The following ARHGEF26 variants were observed in gnomAD, a reference collection of about 807,000 sequenced individuals.
The protein encoded by ARHGEF26 is Rho guanine nucleotide exchange factor (GEF) 26.
Under a neutral mutation model 89.4 loss-of-function variants are expected in ARHGEF26, and 59 were observed. That is an observed-to-expected ratio of 0.66 (90% CI 0.54 to 0.82). The LOEUF (loss-of-function observed/expected upper bound fraction) is 0.82. Among genes scored for constraint, ARHGEF26 ranks in the 40% least tolerant of loss-of-function variants. The pLI is 0.00. For synonymous variants in ARHGEF26, 500 were observed against 428.4 expected, an observed-to-expected ratio of 1.17 and a Z score of -2.06; for missense variants, 1,234 against 1,085.6, an observed-to-expected ratio of 1.14 and a Z score of -1.92.
chr3:154,221,929 T>TTA (rs1716155274), intron 10 of ARHGEF26, among the ~76,000 whole-genome samples: 1 of 152,208 alleles, frequency 6.6e-6, no homozygotes, highest in Admixed American at 6.5e-5. Context: ...CATATTTGGT[T>TTA]TATGGTATGG....
At chr3:154,130,652 A>G (rs1239734177) in intron 4 of ARHGEF26, among the ~76,000 whole-genome samples, 1 of 152,066 alleles carries the variant, frequency 6.6e-6, no homozygotes. Context: ...TCACAGTTTG[A>G]TGCTTAGTTT....
chr3:154,154,008 A>G (rs1720179939), intron 6 of ARHGEF26, among the ~76,000 whole-genome samples: 1 of 152,124 alleles, frequency 6.6e-6, no homozygotes, highest in Admixed American at 6.6e-5. Context: ...GATCAATACC[A>G]GATCCATTAA....
At chr3:154,134,725 C>A (rs1270589563) in intron 4 of ARHGEF26, among the ~76,000 whole-genome samples, 2 of 151,338 alleles carry the variant, frequency 1.3e-5, no homozygotes, top group Non-Finnish European at 2.9e-5. Flanking sequence ...TAATATATGG[C>A]TCTTATTATT....
intron 6 of ARHGEF26, among the ~76,000 whole-genome samples, chr3:154,158,746 C>G (rs1294053621): frequency 6.6e-6 from 1 of 152,112 alleles, no homozygotes; most frequent in Non-Finnish European, 1.5e-5. Context: ...TAATTCATAA[C>G]TAAACATCAC....
At chr3:154,208,034 G>A (rs1194091129) in intron 9 of ARHGEF26, among the ~76,000 whole-genome samples, 2 of 152,152 alleles carry the variant, frequency 1.3e-5, no homozygotes, top group Admixed American at 6.6e-5. Flanking sequence ...ATAAGTGAGA[G>A]CTAAATGATA....
intron 6 of ARHGEF26, among the ~76,000 whole-genome samples, chr3:154,157,989 G>A (rs900057015): frequency 2.6e-5 from 4 of 152,238 alleles, no homozygotes; most frequent in Admixed American, 1.3e-4. Context: ...GTAAGCAGTG[G>A]TGGTGGTATT....
At position 154,246,154 on chromosome 3, in the gene ARHGEF26, T is replaced by C. The variant is rs1169420086; in HGVS notation, c.2300+5575T>C. 2.0e-5 allele frequency among the ~76,000 whole-genome samples: 3 copies of C among 152,128 alleles called. No homozygotes were observed. In the East Asian group the frequency reaches 5.8e-4, roughly 29 times the overall value. On this transcript the variant is annotated intron_variant, in intron 12 of 14. Transcript: ENST00000465093. ...AGGATAGGTACTCTAACTTAGGTGGTGCAGAAAGACCTCTCTTAAGAGGTG... is the reference window on the plus strand; with the variant it reads ...AGGATAGGTACTCTAACTTAGGTGGCGCAGAAAGACCTCTCTTAAGAGGTG...
intron 4 of ARHGEF26, among the ~76,000 whole-genome samples, chr3:154,139,710 A>G (rs890728495): frequency 4.2e-4 from 64 of 152,146 alleles, no homozygotes; most frequent in Non-Finnish European, 7.4e-5. Flanking sequence ...TAAAATTACT[A>G]TTGAATCTTT....
chr3:154,143,797 A>C (rs1719528128), intron 4 of ARHGEF26, among the ~76,000 whole-genome samples: 1 of 152,148 alleles, frequency 6.6e-6, no homozygotes, highest in African/African-American at 2.4e-5. Context: ...CTTTACCCTG[A>C]ATTTATTCCC....
chr3:154,201,760 A>G (rs1714656203), intron 9 of ARHGEF26, among the ~76,000 whole-genome samples: 1 of 152,168 alleles, frequency 6.6e-6, no homozygotes, highest in Non-Finnish European at 1.5e-5. Flanking sequence ...GCCAGTGATG[A>G]TGAGCATTTT....
chr3:154,136,757 G>C (rs1343151036), intron 4 of ARHGEF26, among the ~76,000 whole-genome samples: 1 of 152,092 alleles, frequency 6.6e-6, no homozygotes, highest in African/African-American at 2.4e-5. Context: ...TTTGTGACTT[G>C]TTGCTTAAAA....
chr3:154,154,910 C>T (rs1186821232), intron 6 of ARHGEF26, among the ~76,000 whole-genome samples: 1 of 151,872 alleles, frequency 6.6e-6, no homozygotes, highest in Non-Finnish European at 1.5e-5. Flanking sequence ...ATATATTAGC[C>T]ATTCTATCTT....
intron 9 of ARHGEF26, among the ~76,000 whole-genome samples, chr3:154,214,171 G>T (rs1715579221): frequency 1.3e-5 from 2 of 152,152 alleles, no homozygotes; most frequent in Non-Finnish European, 2.9e-5. Context: ...AAGGAAGTAG[G>T]CACCAGATCA....
chr3:154,226,308 C>T lies in ARHGEF26; in HGVS notation c.2090+298C>T, dbSNP rs111268594. Among the ~76,000 whole-genome samples, 213 of 152,188 alleles carry T rather than the reference C, an allele frequency of 1.4e-3. 2 individuals are homozygous for T. Among genetic ancestry groups the T allele is most frequent in the African/African-American group, 4.9e-3 (203 of 41,538 alleles). ...CTGAGAAGGTAGCACTGTTTTTATT[C>T]TCATTCTGTGTTTTTCAGACTCCTT... is the stretch of plus-strand genomic sequence containing the variant. On this transcript the variant is annotated intron_variant, in intron 11 of 14. Coordinates refer to ENST00000465093, the MANE Select transcript of ARHGEF26 (RefSeq NM_015595.4).
At chr3:154,171,058 A>G (rs1334922270) in intron 6 of ARHGEF26, among the ~76,000 whole-genome samples, 1 of 152,200 alleles carries the variant, frequency 6.6e-6, no homozygotes, top group Non-Finnish European at 1.5e-5. Flanking sequence ...CACATGTGGC[A>G]TAATTGTGTG....
At chr3:154,212,288 A>T (rs891368649) in intron 9 of ARHGEF26, among the ~76,000 whole-genome samples, 1 of 151,554 alleles carries the variant, frequency 6.6e-6, no homozygotes. Flanking sequence ...AGACCCTGTG[A>T]CCATGATCAC....
chr3:154,255,323 T>C lies in ARHGEF26; in HGVS notation c.2474-8T>C. 4.3e-6 allele frequency: 7 copies of C among 1,611,118 alleles called. No individual in the cohort carries two copies. Among genetic ancestry groups the C allele is most frequent in the Non-Finnish European group, 5.9e-6 (7 of 1,178,384 alleles). On this transcript the variant is annotated splice_polypyrimidine_tract_variant and splice_region_variant and intron_variant, in intron 14 of 14. Coordinates refer to ENST00000465093, the MANE Select transcript of ARHGEF26 (RefSeq NM_015595.4). ...GTTGTTTGGTGTGGACTCTGTTCTT[T>C]TTCACAGGCTGGTATGAGGGGGAAC...
rs1435030284 is a variant in ARHGEF26, at chr3:154,255,602, A to T, written c.*129A>T. On this transcript the variant is annotated 3_prime_UTR_variant, in exon 15 of 15. Transcript: ENST00000465093. ...AAAAGAACGAAAACACTTGCCTTTA[A>T]GCTTGCCAGGTTGTTCTGCTCTCTC... The T allele has an allele frequency of 2.1e-6, 3 of 1,456,162 alleles. No individual in the cohort carries two copies. The highest frequency in any genetic ancestry group is 2.7e-6 in the Non-Finnish European group (3 of 1,108,048). 90.2% of individuals were successfully genotyped at this position (1,456,162 alleles called of 1,614,324 possible). A position where few individuals can be genotyped will look rare whatever the true frequency, so the allele number is the denominator to read the frequency against.
intron 5 of ARHGEF26, among the ~76,000 whole-genome samples, chr3:154,152,313 G>A (rs943860521): frequency 2.0e-5 from 3 of 152,094 alleles, no homozygotes; most frequent in African/African-American, 7.2e-5. Flanking sequence ...CACACAAGAG[G>A]GAAGGGAAGG....
Sources: allele counts gnomAD v4.1 joint callset (sites outside exome capture counted in the v4.1 genomes callset), GRCh38; gene constraint gnomAD v4.1.1; transcripts MANE v1.5; gene names NCBI Gene and HGNC (gene_info 2026-07-23, HGNC 2026-07-21).